EYS: variants seen among roughly 807,000 people sequenced by gnomAD.
The protein encoded by EYS is EGF-like photoreceptor maintenance factor, also known as protein eyes shut homolog.
EYS carries 250 observed loss-of-function variants against 282.1 expected under a neutral mutation model. The ratio of observed to expected loss-of-function variants is 0.89; its 90% CI spans 0.80 to 0.98. EYS has a LOEUF of 0.98. Ranked by LOEUF, EYS falls within the 50% of genes least tolerant of loss-of-function variation. EYS has a pLI of 0.00. For synonymous variants in EYS, 1,355 were observed against 1,282.9 expected (o/e 1.06, Z -1.20); for missense variants, 4,016 against 3,709.0 (o/e 1.08, Z -2.15).
chr6:64,318,260 T>C lies in EYS; in HGVS notation c.6079-11178A>G, dbSNP rs1349357751. On this transcript the variant is annotated intron_variant, in intron 29 of 42. Coordinates refer to ENST00000503581, the MANE Select transcript of EYS (RefSeq NM_001142800.2). ...AATATATCTTCAATATGTTACCTTTTATTCTACCTCCATATTAGTATTACA... is the reference window on the plus strand; with the variant it reads ...AATATATCTTCAATATGTTACCTTTCATTCTACCTCCATATTAGTATTACA... Among the ~76,000 whole-genome samples, 3 of 152,196 alleles carry C rather than the reference T, an allele frequency of 2.0e-5. No individual in the cohort carries two copies. The East Asian group carries it at 5.8e-4, about 29-fold the overall frequency.
intron 22 of EYS, among the ~76,000 whole-genome samples, chr6:64,732,810 G>A (rs560383864): frequency 3.3e-5 from 5 of 152,178 alleles, no homozygotes; most frequent in African/African-American, 7.2e-5. Context: ...GATTGTTCTC[G>A]TTTGAAAACA....
intron 19 of EYS, 115 bp from the exon 20 acceptor site, chr6:64,822,937 C>T: frequency 2.6e-6 from 2 of 779,896 alleles, no homozygotes; most frequent in Admixed American, 3.3e-5. Context: ...ATAATGATAA[C>T]TTGGTATTTG....
chr6:65,420,195 C>A (rs896550799), intron 5 of EYS, among the ~76,000 whole-genome samples: 4 of 151,814 alleles, frequency 2.6e-5, no homozygotes, highest in African/African-American at 9.7e-5. Flanking sequence ...GCATTTTGCC[C>A]ACAATAGAAC....
At chr6:65,339,535 T>G (rs1017427285) in intron 10 of EYS, among the ~76,000 whole-genome samples, 16 of 150,498 alleles carry the variant, frequency 1.1e-4, no homozygotes, top group African/African-American at 3.6e-4. Context: ...TTAAACTTCA[T>G]CATAGGTATG....
At chr6:64,407,660 C>T (rs1484262749) in intron 28 of EYS, among the ~76,000 whole-genome samples, 2 of 152,104 alleles carry the variant, frequency 1.3e-5, no homozygotes, top group Admixed American at 6.6e-5. Context: ...GAATTAGATA[C>T]ATACAATTTA....
At chr6:65,680,086 T>TCACACA (rs10650454) in intron 1 of EYS, among the ~76,000 whole-genome samples, 11,500 of 147,272 alleles carry the variant, frequency 0.078, 634 homozygotes, top group East Asian at 0.26. Context: ...TCCTAAATTT[T>TCACACA]CACACACACA....
intron 5 of EYS, among the ~76,000 whole-genome samples, chr6:65,434,652 T>G (rs1768007988): frequency 6.6e-6 from 1 of 152,114 alleles, no homozygotes; most frequent in Admixed American, 6.6e-5. Flanking sequence ...ATTTTAAAAT[T>G]GTCACTTCAA....
intron 29 of EYS, among the ~76,000 whole-genome samples, chr6:64,385,409 T>C (rs1044455273): frequency 6.6e-6 from 1 of 152,186 alleles, no homozygotes; most frequent in Non-Finnish European, 1.5e-5. Context: ...ATCTTTCAAC[T>C]ACAGCATATT....
chr6:63,972,759 T>C (rs1026928334), intron 35 of EYS, among the ~76,000 whole-genome samples: 5 of 152,126 alleles, frequency 3.3e-5, no homozygotes, highest in Admixed American at 2.6e-4. Context: ...TCTCATTATT[T>C]AACTCCCACT....
chr6:64,279,432 T>G (rs962003598), intron 30 of EYS, among the ~76,000 whole-genome samples: 1 of 152,176 alleles, frequency 6.6e-6, no homozygotes, highest in African/African-American at 2.4e-5. Context: ...ATAAAGGCCA[T>G]GACCACATTC....
In EYS at chr6:65,335,531, C is replaced by T. The variant is rs577337414; in HGVS notation, c.1600-385G>A. ...TTTCAGCCAGTTTATACAGACAGGACATAAACTGTCTTTGTGTCCTGTAGT... is the reference window on the plus strand; with the variant it reads ...TTTCAGCCAGTTTATACAGACAGGATATAAACTGTCTTTGTGTCCTGTAGT... On this transcript the variant is annotated intron_variant, in intron 10 of 42. Coordinates refer to ENST00000503581, the MANE Select transcript of EYS (RefSeq NM_001142800.2). 2.8e-4 allele frequency among the ~76,000 whole-genome samples: 43 copies of T among 151,852 alleles called. 2 individuals carry two copies. The highest frequency in any genetic ancestry group is 7.2e-4 in the African/African-American group (30 of 41,486).
At chr6:64,511,855 T>G (rs1416042352) in intron 26 of EYS, among the ~76,000 whole-genome samples, 1 of 152,006 alleles carries the variant, frequency 6.6e-6, no homozygotes, top group Non-Finnish European at 1.5e-5. Context: ...TCTCCTGAAC[T>G]TAGTTTTGAA....
intron 31 of EYS, among the ~76,000 whole-genome samples, chr6:64,178,378 C>T (rs1646034272): frequency 6.6e-6 from 1 of 152,056 alleles, no homozygotes; most frequent in Non-Finnish European, 1.5e-5. Context: ...CAACAGAGTC[C>T]TTGTATTATC....
At chr6:65,073,494 T>C (rs530659385) in intron 12 of EYS, among the ~76,000 whole-genome samples, 57 of 151,858 alleles carry the variant, frequency 3.8e-4, no homozygotes, top group Non-Finnish European at 1.2e-4. Flanking sequence ...TGTACATCTA[T>C]CTACTTACAG....
Position 64,365,713 on chromosome 6 carries a change from T to A in EYS, c.6078+22977A>T, listed in dbSNP as rs546789082. 6.6e-4 allele frequency among the ~76,000 whole-genome samples: 100 copies of A among 152,052 alleles called. 1 individual carries two copies. The highest frequency in any genetic ancestry group is 9.8e-4 in the Admixed American group (15 of 15,236). On this transcript the variant is annotated intron_variant, in intron 29 of 42. Coordinates refer to ENST00000503581, the MANE Select transcript of EYS (RefSeq NM_001142800.2). The stretch of plus-strand genomic sequence containing the variant: ...TATACCTATGATAAAGTTTAATTTA[T>A]AAATTAGACACAATAAAATATTAAT...
At chr6:64,756,087 G>A (rs970772135) in intron 22 of EYS, among the ~76,000 whole-genome samples, 4 of 152,034 alleles carry the variant, frequency 2.6e-5, no homozygotes, top group African/African-American at 7.2e-5. Context: ...AAACAGATAT[G>A]AGTATATTCT....
chr6:64,499,568 A>AT (rs1391590344), intron 26 of EYS, among the ~76,000 whole-genome samples: 1 of 151,914 alleles, frequency 6.6e-6, no homozygotes, highest in Non-Finnish European at 1.5e-5. Flanking sequence ...TGGCTTAATT[A>AT]TTTTTTTATT....
chr6:65,312,230 G>A (rs1362896197), intron 11 of EYS, among the ~76,000 whole-genome samples: 1 of 150,784 alleles, frequency 6.6e-6, no homozygotes, highest in Non-Finnish European at 1.5e-5. Context: ...ATAACTTTGA[G>A]TGAGAAATAG....
At chr6:64,367,077 G>A (rs1340714677) in intron 29 of EYS, among the ~76,000 whole-genome samples, 3 of 152,082 alleles carry the variant, frequency 2.0e-5, no homozygotes, top group African/African-American at 7.2e-5. Context: ...AATCCCAAGT[G>A]ATTTCACCAA....
Sources: allele counts gnomAD v4.1 joint callset (sites outside exome capture counted in the v4.1 genomes callset), GRCh38; gene constraint gnomAD v4.1.1; transcripts MANE v1.5; gene names NCBI Gene and HGNC (gene_info 2026-07-23, HGNC 2026-07-21).